Variants in CDYL observed in about 807,000 individuals in gnomAD.
CDYL encodes chromodomain Y-like protein.
CDYL carries 8 observed loss-of-function variants against 47.3 expected under a neutral mutation model. The ratio of observed to expected loss-of-function variants is 0.17; its 90% confidence interval spans 0.10 to 0.31. The LOEUF is 0.31. Among genes scored for constraint, CDYL ranks in the 10% least tolerant of loss-of-function variants. The pLI is 1.00. For synonymous variants in CDYL, 266 were observed against 265.0 expected (o/e 1.00, Z -0.04); for missense variants, 471 against 701.4 (o/e 0.67, Z 3.71).
Position 4,892,190 on chromosome 6 carries a change from C to T in CDYL, c.502C>T (p.Pro168Ser). ...GAGCGAGAGCCCTGAGAAACTGGACCCCGTCGAGCAGGGTCAGGAGGACAC... is the reference window on the plus strand; with the variant it reads ...GAGCGAGAGCCCTGAGAAACTGGACTCCGTCGAGCAGGGTCAGGAGGACAC... ...FQSESPEKLD[P>S]VEQGQEDTVA... Residue 168 changes from proline to serine, a missense_variant, in exon 2 of 7, where the codon CCC becomes TCC. Pro to Ser is a moderately conservative substitution (Grantham distance 74). This residue lies in a region of CDYL where 311 missense variants were observed against 350.0 expected (regional missense o/e 0.89). Coordinates refer to ENST00000397588, the MANE Select transcript of CDYL (RefSeq NM_004824.4). 1 of 1,614,188 alleles carries T rather than the reference C, an allele frequency of 6.2e-7. No individual in the cohort carries two copies. Among genetic ancestry groups the T allele is most frequent in the Non-Finnish European group, 8.5e-7 (1 of 1,180,034 alleles).
intron 2 of CDYL, among the ~76,000 whole-genome samples, chr6:4,725,610 C>T (rs888902980): frequency 2.6e-5 from 4 of 152,344 alleles, no homozygotes; most frequent in Admixed American, 6.5e-5. Flanking sequence ...CGGACCTGCC[C>T]GCCGAGCCCA....
At chr6:4,949,658 C>T (rs1318297548) in intron 5 of CDYL, among the ~76,000 whole-genome samples, 3 of 152,180 alleles carry the variant, frequency 2.0e-5, no homozygotes, top group Non-Finnish European at 4.4e-5. Flanking sequence ...AGGTTCCCAC[C>T]GCCTGCATCT....
intron 2 of CDYL, among the ~76,000 whole-genome samples, chr6:4,894,582 T>G (rs1016601778): frequency 4.6e-5 from 7 of 152,202 alleles, no homozygotes; most frequent in African/African-American, 1.7e-4. Context: ...AATGGAGCTA[T>G]CCATTCATTT....
intron 2 of CDYL, among the ~76,000 whole-genome samples, chr6:4,726,014 T>C (rs1757506297): frequency 6.6e-6 from 1 of 151,914 alleles, no homozygotes; most frequent in Admixed American, 6.5e-5. Context: ...GCGACTGAAA[T>C]TTACAGGAGG....
At chr6:4,797,799 G>A (rs934165457) in intron 1 of CDYL, among the ~76,000 whole-genome samples, 1 of 152,096 alleles carries the variant, frequency 6.6e-6, no homozygotes, top group Non-Finnish European at 1.5e-5. Flanking sequence ...CCCATTTTGT[G>A]GATACACTGT....
At chr6:4,827,844 G>A (rs559636340) in intron 1 of CDYL, among the ~76,000 whole-genome samples, 15 of 152,058 alleles carry the variant, frequency 9.9e-5, no homozygotes, top group African/African-American at 2.4e-4. Flanking sequence ...AAGTAGAGAC[G>A]GGGTTTCACC....
chr6:4,806,888 C>T (rs916766893), intron 1 of CDYL, among the ~76,000 whole-genome samples: 2 of 152,228 alleles, frequency 1.3e-5, no homozygotes, highest in Non-Finnish European at 2.9e-5. Flanking sequence ...CCAAGTGGCT[C>T]AGGCAACAGA....
At chr6:4,876,158 T>C (rs2127475525) in intron 1 of CDYL, among the ~76,000 whole-genome samples, 1 of 152,320 alleles carries the variant, frequency 6.6e-6, no homozygotes, top group South Asian at 2.1e-4. Context: ...GTTTATACAG[T>C]AGTTTTTGTT....
At position 4,943,669 on chromosome 6, in the gene CDYL, T is replaced by G. The variant is rs375737932; in HGVS notation, c.1245T>G (p.Ala415=). The change falls in exon 5 of 7, where the codon GCT becomes GCG. Residue 415 remains alanine (A), a synonymous_variant. Transcript: ENST00000397588. ...LCDVVWANEK[A]WFQTPYTTFG... ...ATGTGGTTTGGGCTAATGAAAAGGC[T>G]TGGTTTCAAACACCCTATACCACCT... 3.2e-5 allele frequency: 52 copies of G among 1,613,954 alleles called. No individual in the cohort carries two copies. In the African/African-American group the frequency reaches 6.3e-4, roughly 19 times the overall value.
At chr6:4,804,205 T>C (rs1464012785) in intron 1 of CDYL, among the ~76,000 whole-genome samples, 2 of 152,164 alleles carry the variant, frequency 1.3e-5, no homozygotes, top group South Asian at 2.1e-4. Context: ...CCCCCTGTTT[T>C]ACAGGAGGAA....
chr6:4,910,670 A>G (rs1185586924), intron 2 of CDYL, among the ~76,000 whole-genome samples: 1 of 152,226 alleles, frequency 6.6e-6, no homozygotes, highest in African/African-American at 2.4e-5. Flanking sequence ...TGAGGTCTGC[A>G]GAAACTATGA....
At chr6:4,825,735 C>G (rs1759963066) in intron 1 of CDYL, among the ~76,000 whole-genome samples, 1 of 152,030 alleles carries the variant, frequency 6.6e-6, no homozygotes, top group East Asian at 1.9e-4. Context: ...GCTCGAACAG[C>G]CAATCCTCAT....
intron 3 of CDYL, among the ~76,000 whole-genome samples, chr6:4,761,767 C>T (rs4615435): frequency 6.6e-6 from 1 of 152,180 alleles, no homozygotes; most frequent in Admixed American, 6.5e-5. Flanking sequence ...TATTCTCAAC[C>T]TGTTTCCTCT....
In CDYL at chr6:4,895,261, G is replaced by GTATGTATATATGTGCATA. The variant is rs1561693298; in HGVS notation, c.691+2885_691+2886insGTATATATGTGCATATAT. On this transcript the variant is annotated intron_variant, in intron 2 of 6. Transcript: ENST00000397588. ...TGTACAGATGTGTATATATGTGCAT[G>GTATGTATATATGTGCATA]TATACATGTATGTATATATGTGCAT... Among the ~76,000 whole-genome samples, 49 of 5,254 alleles carry GTATGTATATATGTGCATA rather than the reference G, an allele frequency of 9.3e-3. 21 individuals are homozygous for GTATGTATATATGTGCATA. The highest frequency in any genetic ancestry group is 0.036 in the Admixed American group (6 of 166). The allele number at this position is 5,254 out of a possible 152,430, so 3.4% of individuals were successfully genotyped here.
rs568502970 is a variant in CDYL at position 4,739,889 on chromosome 6, GT to G, written c.186+5047del. Among the ~76,000 whole-genome samples the G allele has an allele frequency of 4.0e-3, 610 of 152,100 alleles. 5 individuals carry two copies. The highest frequency in any genetic ancestry group is 0.014 in the African/African-American group (577 of 41,496). On this transcript the variant is annotated intron_variant, in intron 3 of 8. Transcript: ENST00000328908. The stretch of plus-strand genomic sequence containing the variant: ...AATCGCTAGAACCCAGGAGGCAGAG[GT>G]TGTGGTGAGCCAAGATCATGCCATT...
At chr6:4,901,345 C>T (rs553669109) in intron 2 of CDYL, among the ~76,000 whole-genome samples, 1 of 152,226 alleles carries the variant, frequency 6.6e-6, no homozygotes, top group Non-Finnish European at 1.5e-5. Context: ...CCTCTATTCC[C>T]GTTAGCATTG....
intron 1 of CDYL, among the ~76,000 whole-genome samples, chr6:4,710,747 TCA>T (rs1170910260): frequency 6.6e-6 from 1 of 152,142 alleles, no homozygotes; most frequent in Middle Eastern, 3.2e-3. Context: ...CCTCCCCTAC[TCA>T]CATTCTAACC....
chr6:4,838,026 C>T (rs1760376024), intron 1 of CDYL, among the ~76,000 whole-genome samples: 1 of 152,000 alleles, frequency 6.6e-6, no homozygotes, highest in African/African-American at 2.4e-5. Flanking sequence ...AATCCGCTTT[C>T]CTCATCCTTC....
intron 1 of CDYL, among the ~76,000 whole-genome samples, chr6:4,780,416 CCGCCCCCG>C (rs1758586471): frequency 9.3e-6 from 1 of 107,780 alleles, no homozygotes; most frequent in African/African-American, 4.1e-5. Flanking sequence ...CCCCCCGCCC[CCGCCCCCG>C]CCCCGGCTAA....
Sources: allele counts gnomAD v4.1 joint callset (sites outside exome capture counted in the v4.1 genomes callset), GRCh38; gene constraint gnomAD v4.1.1; regional missense constraint gnomAD v4.1.1; transcripts MANE v1.5; gene names NCBI Gene and HGNC (gene_info 2026-07-23, HGNC 2026-07-21).